The following MSH3 variants were observed in gnomAD, a reference collection of about 807,000 sequenced individuals.
MSH3 encodes the protein DNA mismatch repair protein Msh3.
A neutral mutation model predicts 123.3 loss-of-function variants in MSH3; 106 were observed. The observed-to-expected ratio is 0.86, with a 90% CI of 0.73 to 1.01. MSH3 has a LOEUF of 1.01. Ranked by LOEUF, MSH3 falls within the 50% of genes least tolerant of loss-of-function variation. The pLI is 0.00. For missense variants in MSH3, 1,459 were observed against 1,347.6 expected, an observed-to-expected ratio of 1.08 and a Z score of -1.29; for synonymous variants, 515 against 481.4, an observed-to-expected ratio of 1.07 and a Z score of -0.91.
At chr5:80,767,809 CAACT>C (rs1330512690) in intron 13 of MSH3, 120 bp from the exon 14 acceptor site, 20 of 697,178 alleles carry the variant, frequency 2.9e-5, no homozygotes, top group South Asian at 5.4e-5. Context: ...TATTTTATTT[CAACT>C]AACTAGTTAA....
intron 6 of MSH3, 130 bp downstream of exon 6, chr5:80,672,988 T>G: frequency 1.3e-6 from 1 of 757,156 alleles, no homozygotes; most frequent in Non-Finnish European, 2.4e-6. Context: ...GGCATTAAGG[T>G]GAACCCTTGA....
intron 16 of MSH3, 50 bp from the exon 17 acceptor site, chr5:80,778,670 G>A (rs755351264): frequency 3.7e-6 from 4 of 1,090,932 alleles, no homozygotes; most frequent in African/African-American, 3.1e-5. Context: ...TGGCATTTCG[G>A]ATTTTTTACT....
chr5:80,778,802 C>G lies in MSH3; in HGVS notation c.2401C>G (p.Leu801Val), dbSNP rs917488076. ...HLNQLREQLV[L>V]DCSAEWLDFL... ...GAATCAGCTCCGGGAGCAGCTAGTC[C>G]TTGACTGCAGTGCTGAATGGCTTGA... The change falls in exon 17 of 24, where the codon CTT (leucine) becomes GTT (valine). Residue 801 changes from leucine (L) to valine (V), a missense_variant. Physicochemically the swap from Leu to Val is conservative, Grantham distance 32. Coordinates refer to ENST00000265081, the MANE Select transcript of MSH3 (RefSeq NM_002439.5). The G allele has an allele frequency of 1.9e-6, 3 of 1,606,588 alleles. No homozygotes were observed. Among genetic ancestry groups the G allele is most frequent in the Non-Finnish European group, 2.6e-6 (3 of 1,173,244 alleles).
At chr5:80,838,495 T>A (rs1321762432) in intron 20 of MSH3, among the ~76,000 whole-genome samples, 1 of 152,210 alleles carries the variant, frequency 6.6e-6, no homozygotes, top group Non-Finnish European at 1.5e-5. Flanking sequence ...GGAAAATTGC[T>A]CACATATGTT....
chr5:80,681,715 TTTG>T (rs1429601013), intron 8 of MSH3, among the ~76,000 whole-genome samples: 3 of 152,004 alleles, frequency 2.0e-5, no homozygotes, highest in Middle Eastern at 3.2e-3. Context: ...CATTCATTTT[TTTG>T]TTTTCTGCTT....
chr5:80,755,937 G>A (rs148389946), intron 12 of MSH3, among the ~76,000 whole-genome samples: 2 of 152,042 alleles, frequency 1.3e-5, no homozygotes, highest in Non-Finnish European at 2.9e-5. Flanking sequence ...TAGATTTTCA[G>A]TTTCAATTTA....
intron 20 of MSH3, among the ~76,000 whole-genome samples, chr5:80,852,990 C>CA (rs1745853876): frequency 6.6e-6 from 1 of 152,306 alleles, no homozygotes; most frequent in East Asian, 1.9e-4. Flanking sequence ...CTGAGTTTTG[C>CA]AATTAACTGC....
chr5:80,699,414 T>G (rs754007535), intron 8 of MSH3, among the ~76,000 whole-genome samples: 5 of 151,802 alleles, frequency 3.3e-5, no homozygotes, highest in African/African-American at 4.8e-5. Flanking sequence ...CAAAAATTAG[T>G]TGGGTGTGGT....
intron 21 of MSH3, among the ~76,000 whole-genome samples, chr5:80,862,429 A>G (rs1490881688): frequency 3.3e-5 from 5 of 152,178 alleles, no homozygotes; most frequent in Admixed American, 2.0e-4. Context: ...AGGTTTCCAG[A>G]ATATATAAAA....
chr5:80,770,452 C>T (rs1174840442), intron 15 of MSH3, among the ~76,000 whole-genome samples: 1 of 152,006 alleles, frequency 6.6e-6, no homozygotes, highest in Non-Finnish European at 1.5e-5. Flanking sequence ...CATATAATAA[C>T]AATAATAGTA....
chr5:80,799,500 CTTTTTTTTTTTTTTTTT>C (rs746348952), intron 19 of MSH3, among the ~76,000 whole-genome samples: 4 of 32,328 alleles, frequency 1.2e-4, no homozygotes, highest in South Asian at 2.0e-3. Flanking sequence ...GAAGATAGCA[CTTTTTTTTTTTTTTTTT>C]TTTTTTTTTT....
At chr5:80,776,396 A>G (rs1316502799) in intron 16 of MSH3, among the ~76,000 whole-genome samples, 2 of 152,194 alleles carry the variant, frequency 1.3e-5, no homozygotes, top group African/African-American at 4.8e-5. Context: ...CTTTTACTTC[A>G]TGGTGAATGC....
At chr5:80,832,088 C>T (rs181818196) in intron 20 of MSH3, among the ~76,000 whole-genome samples, 144 of 150,856 alleles carry the variant, frequency 9.5e-4, no homozygotes, top group Admixed American at 5.5e-3. Context: ...CCAGCCTGGG[C>T]GACAAGGCGA....
Position 80,672,791 on chromosome 5 carries a change from C to T in MSH3, c.960C>T (p.Asp320=). The T allele has an allele frequency of 1.2e-6, 2 of 1,614,126 alleles. No homozygotes were observed. Among genetic ancestry groups the T allele is most frequent in the Non-Finnish European group, 1.7e-6 (2 of 1,180,004 alleles). The change falls in exon 6 of 24, where the codon GAC becomes GAT. Residue 320 remains aspartate, a synonymous_variant. Coordinates refer to ENST00000265081, the MANE Select transcript of MSH3 (RefSeq NM_002439.5). ...TETAALKAIG[D]NRSSLFSRKL... Reference sequence around the variant, plus strand: ...CTGCAGCATTAAAGGCCATTGGAGACAACAGAAGTTCACTCTTTTCCCGGA... The same window carrying T: ...CTGCAGCATTAAAGGCCATTGGAGATAACAGAAGTTCACTCTTTTCCCGGA...
chr5:80,712,742 A>G (rs1580579347), intron 8 of MSH3, among the ~76,000 whole-genome samples: 2 of 147,760 alleles, frequency 1.4e-5, no homozygotes, highest in African/African-American at 5.0e-5. Flanking sequence ...ATAATCTTTC[A>G]CGATGTGATC....
chr5:80,799,445 A>G (rs1744752805), intron 19 of MSH3, among the ~76,000 whole-genome samples: 1 of 146,876 alleles, frequency 6.8e-6, no homozygotes, highest in African/African-American at 2.5e-5. Context: ...TAGTTCTCCC[A>G]TAATTCTTCT....
At chr5:80,677,171 A>G (rs993167145) in intron 7 of MSH3, among the ~76,000 whole-genome samples, 2 of 152,164 alleles carry the variant, frequency 1.3e-5, no homozygotes, top group African/African-American at 2.4e-5. Flanking sequence ...TCCCTGTCAC[A>G]ATGGGTGTCA....
intron 2 of MSH3, among the ~76,000 whole-genome samples, chr5:80,657,039 T>TTAGTAG (rs1749308971): frequency 1.2e-5 from 1 of 85,350 alleles, no homozygotes; most frequent in Non-Finnish European, 2.7e-5. Flanking sequence ...TTTTTCTACT[T>TTAGTAG]AATAGAAAAT....
At chr5:80,775,252 C>G (rs245404) in intron 15 of MSH3, among the ~76,000 whole-genome samples, 34,635 of 152,018 alleles carry the variant, frequency 0.23, 4,147 homozygotes, top group Non-Finnish European at 0.27. Flanking sequence ...TAAAAACTAT[C>G]TAAAAATCCT....
Sources: gnomAD v4.1 joint callset for allele counts (sites outside exome capture counted in the v4.1 genomes callset) on GRCh38, gnomAD v4.1.1 for gene constraint, MANE v1.5 for transcripts, NCBI Gene and HGNC (gene_info 2026-07-23, HGNC 2026-07-21) for gene names.